Variants in UNC5B observed in about 807,000 individuals in gnomAD.
UNC5B encodes netrin receptor UNC5B.
A neutral mutation model predicts 103.7 loss-of-function variants in UNC5B; 56 were observed. That is an observed-to-expected ratio of 0.54 (90% CI 0.44 to 0.67). The LOEUF (loss-of-function observed/expected upper bound fraction) is 0.67, where lower values mean the gene tolerates loss of function less well. Among genes scored for constraint, UNC5B ranks in the 30% least tolerant of loss-of-function variants. UNC5B has a pLI of 0.00. For missense variants in UNC5B, 1,194 were observed against 1,284.5 expected (o/e 0.93, Z 1.08); for synonymous variants, 577 against 542.0 (o/e 1.06, Z -0.90).
chr10:71,297,350 C>T lies in UNC5B; in HGVS notation c.2491-559C>T, dbSNP rs1845468294. Among the ~76,000 whole-genome samples the T allele has an allele frequency of 3.9e-5, 6 of 152,380 alleles. No individual in the cohort carries two copies. In the Middle Eastern group the frequency reaches 0.017, roughly 432 times the overall value. On this transcript the variant is annotated intron_variant, in intron 15 of 16. Coordinates refer to ENST00000335350, the MANE Select transcript of UNC5B (RefSeq NM_170744.5). ...GTTTTAGGAAGGGCAAGGATTTGCA[C>T]ACAGTACACCAGTGGCAAGACTGGA...
chr10:71,250,851 A>G (rs1844156640), intron 1 of UNC5B, among the ~76,000 whole-genome samples: 3 of 152,206 alleles, frequency 2.0e-5, no homozygotes, highest in Admixed American at 2.0e-4. Context: ...AGATTCTAAT[A>G]TAGATCTAGA....
chr10:71,297,035 GCAT>G (rs1334736931), intron 15 of UNC5B, among the ~76,000 whole-genome samples: 61 of 142,396 alleles, frequency 4.3e-4, no homozygotes, highest in Admixed American at 2.6e-3. Flanking sequence ...CAGCACTGTG[GCAT>G]AGGTGAGGGA....
Position 71,213,453 on chromosome 10 carries a change from C to G in UNC5B, c.79+389C>G, listed in dbSNP as rs560220851. On this transcript the variant is annotated intron_variant, in intron 1 of 16. Transcript: ENST00000335350. The surrounding 1 kb of genome is among the most constrained non-coding windows in gnomAD (Gnocchi z 4.1). The stretch of plus-strand genomic sequence containing the variant: ...CATAAGCAAGGTGTGCGCTCGCTGC[C>G]GTACGCCGGTAACTTACTAGTCTGG... Among the ~76,000 whole-genome samples, 3 of 152,230 alleles carry G rather than the reference C, an allele frequency of 2.0e-5. No homozygotes were observed. In the South Asian group the frequency reaches 6.2e-4, roughly 32 times the overall value.
Position 71,290,933 on chromosome 10 carries a change from A to C in UNC5B, c.1118A>C (p.Asp373Ala). The change falls in exon 9 of 17, where the codon GAT (aspartate) becomes GCT (alanine). Residue 373 changes from aspartate (D) to alanine (A), a missense_variant. Physicochemically the swap from Asp to Ala is moderately radical, Grantham distance 126. Coordinates refer to ENST00000335350, the MANE Select transcript of UNC5B (RefSeq NM_170744.5). ...CCCGCAGTGCTGGAGGCCTCAGGGG[A>C]TGCGGCGCTGTATGCGGGGCTCGTG... ...PNSHLLEASG[D>A]AALYAGLVVA... 1 of 1,612,894 alleles carries C rather than the reference A, an allele frequency of 6.2e-7. No individual in the cohort carries two copies. Among genetic ancestry groups the C allele is most frequent in the Non-Finnish European group, 8.5e-7 (1 of 1,179,872 alleles).
chr10:71,264,999 G>C (rs1844493730), intron 1 of UNC5B, among the ~76,000 whole-genome samples: 1 of 150,202 alleles, frequency 6.7e-6, no homozygotes, highest in Non-Finnish European at 1.5e-5. Context: ...AAAGAGTATG[G>C]GCTTAAAGTC....
At chr10:71,261,390 A>G (rs1382370847) in intron 1 of UNC5B, among the ~76,000 whole-genome samples, 3 of 152,142 alleles carry the variant, frequency 2.0e-5, no homozygotes, top group African/African-American at 7.2e-5. Flanking sequence ...ATTTGCCCCT[A>G]GACTAGATTG....
intron 10 of UNC5B, among the ~76,000 whole-genome samples, chr10:71,292,203 A>G (rs1452052879): frequency 6.6e-6 from 1 of 152,154 alleles, no homozygotes; most frequent in Non-Finnish European, 1.5e-5. Flanking sequence ...AGCATCATAT[A>G]CTAAGCTAGG....
At chr10:71,241,250 G>T (rs992253129) in intron 1 of UNC5B, among the ~76,000 whole-genome samples, 3 of 152,188 alleles carry the variant, frequency 2.0e-5, no homozygotes, top group Non-Finnish European at 2.9e-5. Flanking sequence ...TTAGCTAGAG[G>T]AGAGGTTGCC....
chr10:71,293,840 G>A lies in UNC5B; in HGVS notation c.2082G>A (p.Arg694=), dbSNP rs753045488. The part of the protein sequence containing the change: ...GESYSRSAVK[R]LQLAVFAPAL... Reference sequence around the variant, plus strand: ...CCTATTCCCGCTCAGCAGTCAAGCGGCTCCAGCTGGCCGTCTTCGCCCCCG... The same window carrying A: ...CCTATTCCCGCTCAGCAGTCAAGCGACTCCAGCTGGCCGTCTTCGCCCCCG... The change falls in exon 13 of 17, where the codon CGG becomes CGA. Residue 694 remains arginine (R), a synonymous_variant. Transcript: ENST00000335350. 6.2e-7 allele frequency: 1 copy of A among 1,611,132 alleles called. No individual in the cohort carries two copies. Among genetic ancestry groups the A allele is most frequent in the East Asian group, 2.2e-5 (1 of 44,780 alleles).
At chr10:71,225,267 A>G (rs1305706928) in intron 1 of UNC5B, among the ~76,000 whole-genome samples, 2 of 131,136 alleles carry the variant, frequency 1.5e-5, no homozygotes, top group South Asian at 2.4e-4. Flanking sequence ...CTCCAAACCC[A>G]CGGGGGTCGC....
rs1843281157 is a variant in UNC5B at position 71,213,810 on chromosome 10, A to G, written c.79+746A>G. ...GCGATCCTGCGGAGTTTCCTTTTAA[A>G]TTGGTCACTGACATTCTCGCTGTCC... is the stretch of plus-strand genomic sequence containing the variant. On this transcript the variant is annotated intron_variant, in intron 1 of 16. Transcript: ENST00000335350. The surrounding 1 kb of genome is among the most constrained non-coding windows in gnomAD (Gnocchi z 4.1). 6.7e-6 allele frequency among the ~76,000 whole-genome samples: 1 copy of G among 149,046 alleles called. No homozygotes were observed. The highest frequency in any genetic ancestry group is 1.5e-5 in the Non-Finnish European group (1 of 67,644).
Position 71,261,315 on chromosome 10 carries a change from T to A in UNC5B, c.80-18506T>A, listed in dbSNP as rs572617589. On this transcript the variant is annotated intron_variant, in intron 1 of 16. Coordinates refer to ENST00000335350, the MANE Select transcript of UNC5B (RefSeq NM_170744.5). The stretch of plus-strand genomic sequence containing the variant: ...GTCCTGTGCTGAGAAGGAGGCCTTG[T>A]CCAGATGTGCCACAATTTATTAGTG... 2.0e-5 allele frequency among the ~76,000 whole-genome samples: 3 copies of A among 152,300 alleles called. No individual in the cohort carries two copies. In the South Asian group the frequency reaches 6.2e-4, roughly 32 times the overall value.
intron 8 of UNC5B, 119 bp from the exon 9 acceptor site, chr10:71,290,796 G>A: frequency 2.4e-6 from 3 of 1,259,400 alleles, no homozygotes; most frequent in South Asian, 1.5e-5. Context: ...GGCTCAGACT[G>A]GAACTCAGCA....
At chr10:71,284,462 C>T (rs1364970179) in intron 2 of UNC5B, among the ~76,000 whole-genome samples, 1 of 152,198 alleles carries the variant, frequency 6.6e-6, no homozygotes, top group Admixed American at 6.5e-5. Flanking sequence ...TGACACACCA[C>T]TTGTGCATTT....
chr10:71,288,934 CTT>C (rs755749867), intron 7 of UNC5B, 22 bp from the exon 8 acceptor site: 1 of 1,611,900 alleles, frequency 6.2e-7, no homozygotes, highest in South Asian at 1.1e-5. Context: ...ATGTCATTGT[CTT>C]TCCCTTTATT....
chr10:71,251,883 CATTGATTTTA>C (rs1564717000), intron 1 of UNC5B, among the ~76,000 whole-genome samples: 2 of 152,190 alleles, frequency 1.3e-5, no homozygotes, highest in African/African-American at 4.8e-5. Context: ...TACCTCAAGT[CATTGATTTTA>C]TTTCCTCTCA....
At chr10:71,292,302 G>A (rs1377597304) in intron 10 of UNC5B, among the ~76,000 whole-genome samples, 165 bp from the exon 11 acceptor site, 2 of 152,070 alleles carry the variant, frequency 1.3e-5, no homozygotes, top group Admixed American at 1.3e-4. Flanking sequence ...CAGTGGCCTG[G>A]CCTCTGCTTG....
intron 4 of UNC5B, 38 bp from the exon 5 acceptor site, chr10:71,286,651 C>T (rs888857519): frequency 6.2e-7 from 1 of 1,611,166 alleles, no homozygotes; most frequent in Admixed American, 1.7e-5. Context: ...TCAAACCTGT[C>T]CTGGGCCCTC....
chr10:71,223,779 G>A (rs116749560), intron 1 of UNC5B, among the ~76,000 whole-genome samples: 2,534 of 138,818 alleles, frequency 0.018, 92 homozygotes, highest in African/African-American at 0.059. Context: ...GCCTTCTTGT[G>A]GCTCAAGAGA....
Sources: allele counts gnomAD v4.1 joint callset (sites outside exome capture counted in the v4.1 genomes callset), GRCh38; gene constraint gnomAD v4.1.1; non-coding constraint Gnocchi (gnomAD v3.1); transcripts MANE v1.5; gene names NCBI Gene and HGNC (gene_info 2026-07-23, HGNC 2026-07-21).